Variants in CSMD1 observed in about 807,000 individuals in gnomAD.
CSMD1 encodes CUB and sushi domain-containing protein 1.
In CSMD1, 213 loss-of-function variants were observed where a neutral mutation model predicts 417.5. The ratio of observed to expected loss-of-function variants is 0.51; its 90% CI spans 0.46 to 0.57. CSMD1 has a LOEUF of 0.57. CSMD1 is among the 20% of genes least tolerant of loss of function. CSMD1 has a pLI of 0.00. For synonymous variants in CSMD1, 2,862 were observed against 1,736.8 expected (o/e 1.65, Z -16.11); for missense variants, 6,923 against 4,529.7 (o/e 1.53, Z -15.17).
At chr8:3,708,077 G>C (rs1268384631) in intron 7 of CSMD1, among the ~76,000 whole-genome samples, 1 of 152,172 alleles carries the variant, frequency 6.6e-6, no homozygotes, top group Non-Finnish European at 1.5e-5. Context: ...GATCAGTCTG[G>C]TCTGGTGTGT....
At chr8:3,088,363 C>T (rs1020110658) in intron 48 of CSMD1, among the ~76,000 whole-genome samples, 2 of 152,214 alleles carry the variant, frequency 1.3e-5, no homozygotes, top group Non-Finnish European at 2.9e-5. Context: ...TCCTTAAGAA[C>T]TGGGAATTCT....
chr8:4,292,063 A>C (rs1797400340), intron 3 of CSMD1, among the ~76,000 whole-genome samples: 1 of 152,152 alleles, frequency 6.6e-6, no homozygotes, highest in Non-Finnish European at 1.5e-5. Context: ...ACACTTGATC[A>C]TTCAATGAAA....
intron 3 of CSMD1, among the ~76,000 whole-genome samples, chr8:4,070,144 T>G (rs1397200061): frequency 1.3e-5 from 2 of 152,312 alleles, no homozygotes; most frequent in Middle Eastern, 3.4e-3. Context: ...AATTTTATTT[T>G]TTTTAAAATG....
chr8:3,485,746 C>T (rs557873861), intron 11 of CSMD1, among the ~76,000 whole-genome samples: 8 of 144,478 alleles, frequency 5.5e-5, no homozygotes, highest in Non-Finnish European at 1.1e-4. Flanking sequence ...GGTGACAGAG[C>T]GAGACTCAGC....
intron 12 of CSMD1, among the ~76,000 whole-genome samples, chr8:3,411,680 A>ATACGTATAGATACACG (rs1812710855): frequency 2.8e-5 from 2 of 70,662 alleles, no homozygotes; most frequent in African/African-American, 1.1e-4. Flanking sequence ...GTGTATATAT[A>ATACGTATAGATACACG]CGTGTATATA....
chr8:4,642,529 G>T (rs898883390), intron 1 of CSMD1, among the ~76,000 whole-genome samples: 1 of 152,190 alleles, frequency 6.6e-6, no homozygotes, highest in East Asian at 1.9e-4. Context: ...AGCATTTGAG[G>T]AGTGAAGGTA....
At chr8:3,227,773 T>C (rs1798601154) in intron 27 of CSMD1, among the ~76,000 whole-genome samples, 1 of 146,872 alleles carries the variant, frequency 6.8e-6, no homozygotes. Flanking sequence ...ACTTTTTTCT[T>C]TTTTTTTTTT....
At chr8:3,814,744 C>G (rs1322259883) in intron 5 of CSMD1, among the ~76,000 whole-genome samples, 1 of 152,110 alleles carries the variant, frequency 6.6e-6, no homozygotes, top group Admixed American at 6.5e-5. Flanking sequence ...GGTATGAATC[C>G]ACAACTTGCA....
chr8:4,278,617 A>C (rs1231594765), intron 3 of CSMD1, among the ~76,000 whole-genome samples: 4 of 152,196 alleles, frequency 2.6e-5, no homozygotes, highest in Admixed American at 6.5e-5. Context: ...CATGAATGGA[A>C]ACTCAAATTT....
At chr8:3,764,801 C>G (rs554126566) in intron 5 of CSMD1, among the ~76,000 whole-genome samples, 2 of 146,742 alleles carry the variant, frequency 1.4e-5, no homozygotes, top group Non-Finnish European at 3.0e-5. Flanking sequence ...GGCTGGAGTG[C>G]AGGGGCACCA....
intron 3 of CSMD1, among the ~76,000 whole-genome samples, chr8:4,254,556 TAC>T (rs1342180833): frequency 6.6e-6 from 1 of 152,160 alleles, no homozygotes; most frequent in Non-Finnish European, 1.5e-5. Context: ...TACAGTAGTG[TAC>T]AGTCATGTCC....
intron 1 of CSMD1, among the ~76,000 whole-genome samples, chr8:4,697,539 G>T (rs1187668102): frequency 6.6e-6 from 1 of 152,024 alleles, no homozygotes; most frequent in East Asian, 1.9e-4. Context: ...TTACTCAATT[G>T]GGGAATGTCG....
intron 1 of CSMD1, among the ~76,000 whole-genome samples, chr8:4,974,952 C>T (rs1195150738): frequency 1.3e-5 from 2 of 152,144 alleles, no homozygotes; most frequent in African/African-American, 2.4e-5. Flanking sequence ...AATTATTCGA[C>T]AATAGATTCA....
intron 5 of CSMD1, among the ~76,000 whole-genome samples, chr8:3,974,515 T>C (rs975223679): frequency 6.6e-6 from 1 of 152,048 alleles, no homozygotes; most frequent in East Asian, 1.9e-4. Flanking sequence ...AAAAATAAAA[T>C]CTTTCATAGT....
intron 1 of CSMD1, chr8:4,787,578 C>T (rs983038075): frequency 1.7e-5 from 25 of 1,504,722 alleles, no homozygotes; most frequent in Admixed American, 5.2e-5. Flanking sequence ...TTCATTGCAC[C>T]CCAGTGCGAA....
intron 5 of CSMD1, among the ~76,000 whole-genome samples, chr8:3,948,686 T>C (rs1428911756): frequency 6.6e-6 from 1 of 152,208 alleles, no homozygotes; most frequent in Non-Finnish European, 1.5e-5. Flanking sequence ...CAATGAGTTC[T>C]ATTCCACCAA....
At chr8:4,353,311 T>C (rs1451368931) in intron 3 of CSMD1, among the ~76,000 whole-genome samples, 5 of 152,226 alleles carry the variant, frequency 3.3e-5, no homozygotes, top group East Asian at 3.9e-4. Context: ...ACAAGCTCTC[T>C]TCCCTGCCAC....
At chr8:3,398,616 A>G (rs1022192540) in intron 16 of CSMD1, among the ~76,000 whole-genome samples, 1 of 152,202 alleles carries the variant, frequency 6.6e-6, no homozygotes, top group East Asian at 1.9e-4. Context: ...GTCAAGAAGA[A>G]GGTCATTGTT....
At chr8:4,193,561 G>A (rs1374925144) in intron 3 of CSMD1, among the ~76,000 whole-genome samples, 1 of 152,166 alleles carries the variant, frequency 6.6e-6, no homozygotes, top group African/African-American at 2.4e-5. Context: ...AGAGGCTGTG[G>A]GAAAACAAAT....
Sources: gnomAD v4.1 joint callset for allele counts (sites outside exome capture counted in the v4.1 genomes callset) on GRCh38, gnomAD v4.1.1 for gene constraint, MANE v1.5 for transcripts, NCBI Gene and HGNC (gene_info 2026-07-23, HGNC 2026-07-21) for gene names.